The following CKAP2 variants were observed in gnomAD, a reference collection of about 807,000 sequenced individuals.
CKAP2 encodes the protein cytoskeleton associated protein 2, also known as cytoskeleton-associated protein 2.
CKAP2 carries 46 observed loss-of-function variants against 58.4 expected under a neutral mutation model. The observed-to-expected ratio is 0.79, with a 90% confidence interval of 0.62 to 1.01. CKAP2 has a LOEUF of 1.01. CKAP2 is among the 50% of genes least tolerant of loss of function. The pLI is 0.00. For missense variants in CKAP2, 809 were observed against 796.4 expected (o/e 1.02, Z -0.19); for synonymous variants, 293 against 280.9 (o/e 1.04, Z -0.43).
chr13:52,464,996 C>T (rs527527896), intron 5 of CKAP2, among the ~76,000 whole-genome samples: 5 of 152,200 alleles, frequency 3.3e-5, no homozygotes, highest in Middle Eastern at 3.4e-3. Flanking sequence ...ATTACAGATT[C>T]ATTTTAATCT....
chr13:52,460,134 C>G (rs1240086481), intron 2 of CKAP2, among the ~76,000 whole-genome samples: 1 of 152,204 alleles, frequency 6.6e-6, no homozygotes, highest in African/African-American at 2.4e-5. Context: ...GCTGCTATTA[C>G]AGGCATGAGC....
Position 52,460,942 on chromosome 13 carries a change from G to A in CKAP2, c.199G>A (p.Gly67Arg), listed in dbSNP as rs754195972. The A allele has an allele frequency of 1.2e-6, 2 of 1,613,428 alleles. No individual in the cohort carries two copies. The highest frequency in any genetic ancestry group is 3.3e-5 in the Admixed American group (2 of 59,930). Residue 67 changes from glycine to arginine, a missense_variant, in exon 3 of 9, where the codon GGG (glycine) becomes AGG (arginine). Coordinates refer to ENST00000258607, the MANE Select transcript of CKAP2 (RefSeq NM_018204.5). ...GACATCTGAGGACCAAGTTCAAGAA[G>A]GGACTAAAGTGCTGAAACTTAAAAC... is the stretch of plus-strand genomic sequence containing the variant. ...VVTSEDQVQEGTKVLKLKTKM... is the reference protein window; with the variant it reads ...VVTSEDQVQERTKVLKLKTKM...
intron 2 of CKAP2, among the ~76,000 whole-genome samples, chr13:52,458,505 A>G (rs1244022710): frequency 6.6e-6 from 1 of 152,250 alleles, no homozygotes; most frequent in Non-Finnish European, 1.5e-5. Context: ...AATACTCTTA[A>G]TAGGAAGAAA....
At chr13:52,465,496 T>G in intron 6 of CKAP2, 31 bp downstream of exon 6, 1 of 1,563,136 alleles carries the variant, frequency 6.4e-7, no homozygotes, top group South Asian at 1.1e-5. Flanking sequence ...TCTTTACAAT[T>G]ACAGTGTAGT....
rs901557194 is a variant in CKAP2, at chr13:52,464,839, C to A, written c.1306-456C>A. Reference sequence around the variant, plus strand: ...TCTTTTAACTTCTTGTGGTTCTGAACACCAGTAAAAGTTACAATCAGGAAA... The same window carrying A: ...TCTTTTAACTTCTTGTGGTTCTGAAAACCAGTAAAAGTTACAATCAGGAAA... On this transcript the variant is annotated intron_variant, in intron 5 of 8. Coordinates refer to ENST00000258607, the MANE Select transcript of CKAP2 (RefSeq NM_018204.5). Among the ~76,000 whole-genome samples the A allele has an allele frequency of 3.9e-5, 6 of 152,104 alleles. 1 individual carries two copies. The highest frequency in any genetic ancestry group is 2.1e-4 in the South Asian group (1 of 4,832).
chr13:52,456,685 T>G, intron 2 of CKAP2, 78 bp downstream of exon 2: 1 of 1,132,996 alleles, frequency 8.8e-7, no homozygotes, highest in Non-Finnish European at 1.3e-6. Flanking sequence ...GTAAGCCATA[T>G]CTGTAATTTT....
chr13:52,476,300 C>A lies in CKAP2; in HGVS notation c.*1159C>A, dbSNP rs957181467. ...ACTTCTCATGTTCTAGAGAGTAGGACTTTTATTCCGTGTACCTGATATATA... is the reference window on the plus strand; with the variant it reads ...ACTTCTCATGTTCTAGAGAGTAGGAATTTTATTCCGTGTACCTGATATATA... On this transcript the variant is annotated 3_prime_UTR_variant, in exon 9 of 9. Transcript: ENST00000258607. The A allele has an allele frequency of 6.6e-6, 1 of 152,130 alleles. No homozygotes were observed. Among genetic ancestry groups the A allele is most frequent in the African/African-American group, 2.4e-5 (1 of 41,412 alleles). The allele number at this position is 152,130 out of a possible 1,614,324, so 9.4% of individuals were successfully genotyped here. A position where few individuals can be genotyped will look rare whatever the true frequency, so the allele number is the denominator to read the frequency against.
At chr13:52,456,240 C>T in intron 1 of CKAP2, 1 of 971,252 alleles carries the variant, frequency 1.0e-6, no homozygotes, top group Non-Finnish European at 1.3e-6. Flanking sequence ...TAAAGCTTGG[C>T]TAGCAGGAGC....
chr13:52,462,300 C>A, intron 4 of CKAP2, 63 bp from the exon 5 acceptor site: 1 of 1,427,574 alleles, frequency 7.0e-7, no homozygotes, highest in Non-Finnish European at 9.6e-7. Flanking sequence ...TTTCTTTTAA[C>A]TTTATTTGAC....
intron 6 of CKAP2, among the ~76,000 whole-genome samples, chr13:52,467,895 C>T (rs1014881633): frequency 2.0e-4 from 30 of 151,582 alleles, no homozygotes; most frequent in Non-Finnish European, 4.0e-4. Flanking sequence ...CTGCAAGCTC[C>T]GCTTCCTGGG....
intron 2 of CKAP2, among the ~76,000 whole-genome samples, chr13:52,458,787 G>A (rs901708672): frequency 6.6e-6 from 1 of 151,876 alleles, no homozygotes; most frequent in African/African-American, 2.4e-5. Flanking sequence ...AACCTGGGAG[G>A]CGGAGGTTGC....
rs78058575 is a variant in CKAP2 at position 52,474,792 on chromosome 13, C to A, written c.1803-103C>A. On this transcript the variant is annotated intron_variant, in intron 8 of 8. Transcript: ENST00000258607. Reference sequence around the variant, plus strand: ...CTAAAAGACAATTAAATGCTTTTACCTGCTTATAACATACAAGCTATATAG... The same window carrying A: ...CTAAAAGACAATTAAATGCTTTTACATGCTTATAACATACAAGCTATATAG... 4,829 of 1,128,680 alleles carry A rather than the reference C, an allele frequency of 4.3e-3. 37 individuals are homozygous for A. Among genetic ancestry groups the A allele is most frequent in the Middle Eastern group, 0.019 (64 of 3,306 alleles). The allele number at this position is 1,128,680 out of a possible 1,614,324, so 69.9% of individuals were successfully genotyped here.
intron 7 of CKAP2, among the ~76,000 whole-genome samples, chr13:52,471,466 C>A (rs1958760766): frequency 6.7e-6 from 1 of 149,458 alleles, no homozygotes. Context: ...TATTTGTGAA[C>A]AGCAAAAGAA....
Position 52,460,914 on chromosome 13 carries a change from T to G in CKAP2, c.171T>G (p.Val57=), listed in dbSNP as rs1305092319. ...TTTTAAGTAGTAGAGATCAGAGAGTTGTGACATCTGAGGACCAAGTTCAAG... is the reference window on the plus strand; with the variant it reads ...TTTTAAGTAGTAGAGATCAGAGAGTGGTGACATCTGAGGACCAAGTTCAAG... ...NEMLSSRDQR[V]VTSEDQVQEG... The change falls in exon 3 of 9, where the codon GTT becomes GTG. Residue 57 remains valine (V), a synonymous_variant. Coordinates refer to ENST00000258607, the MANE Select transcript of CKAP2 (RefSeq NM_018204.5). 6 of 1,613,172 alleles carry G rather than the reference T, an allele frequency of 3.7e-6. No individual in the cohort carries two copies. The highest frequency in any genetic ancestry group is 5.1e-6 in the Non-Finnish European group (6 of 1,179,826).
At position 52,455,632 on chromosome 13, in the gene CKAP2, G is replaced by T. The variant is rs754577733; in HGVS notation, c.70+6G>T. 2.5e-6 allele frequency: 4 copies of T among 1,589,136 alleles called. No homozygotes were observed. Among genetic ancestry groups the T allele is most frequent in the Non-Finnish European group, 3.4e-6 (4 of 1,170,856 alleles). On this transcript the variant is annotated splice_donor_region_variant and intron_variant, in intron 1 of 8. Transcript: ENST00000258607. ...GGCGCAGTCCGCATTCAAAGGTGAA[G>T]GCCGCGGTGGCGGTGGCGGTGGCGG...
At chr13:52,473,756 A>G in intron 7 of CKAP2, 73 bp from the exon 8 acceptor site, 1 of 1,414,734 alleles carries the variant, frequency 7.1e-7, no homozygotes. Context: ...CCAACTAGGA[A>G]CAACTTTAAT....
At chr13:52,463,904 G>A (rs1337004307) in intron 5 of CKAP2, among the ~76,000 whole-genome samples, 1 of 152,166 alleles carries the variant, frequency 6.6e-6, no homozygotes, top group East Asian at 1.9e-4. Context: ...CTTGTCGCCT[G>A]TAGGTACATT....
At position 52,456,524 on chromosome 13, in the gene CKAP2, G is replaced by A; in HGVS notation, c.72G>A (p.Glu24=). Residue 24 remains glutamate (E), a splice_region_variant and synonymous_variant, in exon 2 of 9, where the codon GAG becomes GAA. Coordinates refer to ENST00000258607, the MANE Select transcript of CKAP2 (RefSeq NM_018204.5). Reference sequence around the variant, plus strand: ...GTAGCTCTTACCTTTGTTATCTAGAGCAAAGAAGACAAAAACTCAAGGAAC... The same window carrying A: ...GTAGCTCTTACCTTTGTTATCTAGAACAAAGAAGACAAAAACTCAAGGAAC... ...PSQRAQSAFK[E]QRRQKLKEHL... 1 of 1,610,096 alleles carries A rather than the reference G, an allele frequency of 6.2e-7. No individual in the cohort carries two copies. Among genetic ancestry groups the A allele is most frequent in the East Asian group, 2.2e-5 (1 of 44,820 alleles).
rs193026350 is a variant in CKAP2, at chr13:52,469,628, C to T, written c.1546+1281C>T. 1.8e-4 allele frequency among the ~76,000 whole-genome samples: 26 copies of T among 142,330 alleles called. No homozygotes were observed. In the East Asian group the frequency reaches 4.4e-3, roughly 24 times the overall value. 93.4% of individuals were successfully genotyped at this position (142,330 alleles called of 152,430 possible). A position where few individuals can be genotyped will look rare whatever the true frequency, so the allele number is the denominator to read the frequency against. On this transcript the variant is annotated intron_variant, in intron 7 of 8. Coordinates refer to ENST00000258607, the MANE Select transcript of CKAP2 (RefSeq NM_018204.5). ...TTTTTGAGACGGAGTCTCGCTCTGT[C>T]GCCCAGGCCAGACTGCGGACTGCAG...
Sources: allele counts gnomAD v4.1 joint callset (sites outside exome capture counted in the v4.1 genomes callset), GRCh38; gene constraint gnomAD v4.1.1; transcripts MANE v1.5; gene names NCBI Gene and HGNC (gene_info 2026-07-23, HGNC 2026-07-21).